Variants in CFAP299 observed in about 807,000 individuals in gnomAD.
CFAP299 encodes cilia- and flagella-associated protein 299.
In CFAP299, 21 loss-of-function variants were observed where a neutral mutation model predicts 27.0. That is an observed-to-expected ratio of 0.78 (90% CI 0.55 to 1.12). The LOEUF (loss-of-function observed/expected upper bound fraction) is 1.12. CFAP299 is among the 50% of genes most tolerant of loss of function. The pLI, the probability that CFAP299 is intolerant of heterozygous loss-of-function variation, is 0.00. For missense variants in CFAP299, 310 were observed against 276.6 expected (o/e 1.12, Z -0.86); for synonymous variants, 104 against 98.1 (o/e 1.06, Z -0.36).
At chr4:80,868,531 A>C (rs892374914) in intron 3 of CFAP299, among the ~76,000 whole-genome samples, 2 of 152,156 alleles carry the variant, frequency 1.3e-5, no homozygotes, top group Admixed American at 6.5e-5. Context: ...GAAAGGGTAG[A>C]ATTTGTTTCC....
At position 80,672,809 on chromosome 4, in the gene CFAP299, C is replaced by T. The variant is rs1014712244; in HGVS notation, c.333+89626C>T. ...TTTGCATAGAGGTGTTTATAGTATTCTCTGAAGGCAGTTTGTATTTCTGTG... is the reference window on the plus strand; with the variant it reads ...TTTGCATAGAGGTGTTTATAGTATTTTCTGAAGGCAGTTTGTATTTCTGTG... On this transcript the variant is annotated intron_variant, in intron 3 of 5. Transcript: ENST00000358105. Among the ~76,000 whole-genome samples the T allele has an allele frequency of 2.0e-5, 3 of 152,104 alleles. No individual in the cohort carries two copies. In the East Asian group the frequency reaches 5.8e-4, roughly 29 times the overall value.
chr4:80,879,791 A>G (rs1006191367), intron 4 of CFAP299, among the ~76,000 whole-genome samples: 2 of 152,174 alleles, frequency 1.3e-5, no homozygotes, highest in Non-Finnish European at 2.9e-5. Flanking sequence ...GCACTTATTA[A>G]AGTTGTTCGG....
chr4:80,772,320 T>C (rs1451182631), intron 3 of CFAP299, among the ~76,000 whole-genome samples: 1 of 152,132 alleles, frequency 6.6e-6, no homozygotes, highest in Non-Finnish European at 1.5e-5. Flanking sequence ...GGTGCAGGTC[T>C]CTTATCACTT....
intron 4 of CFAP299, among the ~76,000 whole-genome samples, chr4:80,902,625 A>ACT (rs1734986163): frequency 6.7e-6 from 1 of 148,538 alleles, no homozygotes. Flanking sequence ...ACACACACAC[A>ACT]CTTTGGTGAC....
chr4:80,488,613 A>G (rs796420867), intron 2 of CFAP299, among the ~76,000 whole-genome samples: 5 of 151,960 alleles, frequency 3.3e-5, no homozygotes, highest in African/African-American at 1.2e-4. Context: ...AGCTGGGACT[A>G]AAGGCACCAG....
chr4:80,661,605 G>A (rs1740851037), intron 3 of CFAP299, among the ~76,000 whole-genome samples: 2 of 152,064 alleles, frequency 1.3e-5, no homozygotes, highest in Non-Finnish European at 2.9e-5. Flanking sequence ...TTCATAAGCT[G>A]AGGATGAATG....
chr4:80,395,123 A>T (rs1394555948), intron 2 of CFAP299, among the ~76,000 whole-genome samples: 1 of 152,022 alleles, frequency 6.6e-6, no homozygotes, highest in East Asian at 1.9e-4. Context: ...TAATATATAG[A>T]TACTAATATT....
intron 3 of CFAP299, among the ~76,000 whole-genome samples, chr4:80,602,883 C>T (rs2109903712): frequency 6.6e-6 from 1 of 152,222 alleles, no homozygotes. Flanking sequence ...TGCACACAGA[C>T]CTGGGCACTG....
chr4:80,614,356 T>G (rs1479980804), intron 3 of CFAP299, among the ~76,000 whole-genome samples: 1 of 152,194 alleles, frequency 6.6e-6, no homozygotes, highest in Non-Finnish European at 1.5e-5. Context: ...TCCCCATAGC[T>G]GTATATTTAA....
chr4:80,902,554 GATT>G (rs1204811203), intron 4 of CFAP299, among the ~76,000 whole-genome samples: 5 of 113,786 alleles, frequency 4.4e-5, no homozygotes, highest in South Asian at 2.7e-4. Context: ...TATGTATCTG[GATT>G]ATTATTTTAT....
chr4:80,759,341 A>G (rs1725426383), intron 3 of CFAP299, among the ~76,000 whole-genome samples: 1 of 152,222 alleles, frequency 6.6e-6, no homozygotes. Flanking sequence ...AGGTAAGGTT[A>G]TAGGAAACAC....
At chr4:80,938,139 T>A (rs1737006694) in intron 4 of CFAP299, among the ~76,000 whole-genome samples, 1 of 152,200 alleles carries the variant, frequency 6.6e-6, no homozygotes, top group East Asian at 1.9e-4. Context: ...AGATTATACA[T>A]TAGCATTAAA....
chr4:80,800,745 C>T, intron 3 of CFAP299, among the ~76,000 whole-genome samples: 1 of 22,466 alleles, frequency 4.5e-5, no homozygotes, highest in Non-Finnish European at 8.0e-5. Flanking sequence ...TATATATAAT[C>T]AGTGTGTGTG....
chr4:80,858,951 T>A (rs1732121151), intron 3 of CFAP299, among the ~76,000 whole-genome samples: 2 of 152,160 alleles, frequency 1.3e-5, no homozygotes, highest in Non-Finnish European at 2.9e-5. Context: ...CTGAGTTCAA[T>A]TCCTGGGTAT....
Position 80,584,312 on chromosome 4 carries a change from C to T in CFAP299, c.333+1129C>T, listed in dbSNP as rs1050922605. On this transcript the variant is annotated intron_variant, in intron 3 of 5. Coordinates refer to ENST00000358105, the MANE Select transcript of CFAP299 (RefSeq NM_152770.3). ...CTAAGACTAGGACATAATTTAATCT[C>T]CAGAAATGTTGCAATAGGAATGGTA... Among the ~76,000 whole-genome samples, 29 of 152,014 alleles carry T rather than the reference C, an allele frequency of 1.9e-4. No individual in the cohort carries two copies. The East Asian group carries it at 4.1e-3, about 21-fold the overall frequency.
At chr4:80,438,340 G>T (rs951441157) in intron 2 of CFAP299, among the ~76,000 whole-genome samples, 22 of 152,134 alleles carry the variant, frequency 1.4e-4, no homozygotes, top group African/African-American at 5.3e-4. Context: ...TTTCCAGGGG[G>T]CCTAATGTGT....
At chr4:80,871,257 C>T (rs1733080558) in intron 4 of CFAP299, 1 of 985,446 alleles carries the variant, frequency 1.0e-6, no homozygotes, top group Non-Finnish European at 1.2e-6. Flanking sequence ...CCTAGGATAA[C>T]ATTTCATTTA....
At chr4:80,828,455 C>A (rs1730111228) in intron 3 of CFAP299, among the ~76,000 whole-genome samples, 1 of 152,054 alleles carries the variant, frequency 6.6e-6, no homozygotes, top group African/African-American at 2.4e-5. Context: ...TCCTCCCCAC[C>A]TAAATCTTGC....
At chr4:80,908,162 T>C (rs1735280806) in intron 4 of CFAP299, among the ~76,000 whole-genome samples, 5 of 152,210 alleles carry the variant, frequency 3.3e-5, no homozygotes, top group Admixed American at 3.3e-4. Flanking sequence ...TCTACTGATA[T>C]CCCAATGGTC....
Sources: gnomAD v4.1 joint callset for allele counts (sites outside exome capture counted in the v4.1 genomes callset) on GRCh38, gnomAD v4.1.1 for gene constraint, MANE v1.5 for transcripts, NCBI Gene and HGNC (gene_info 2026-07-23, HGNC 2026-07-21) for gene names.